The following LCLAT1 variants were observed in gnomAD, a reference collection of about 807,000 sequenced individuals.
LCLAT1 encodes the protein lysocardiolipin acyltransferase 1, also known as 1-AGP acyltransferase 8.
A neutral mutation model predicts 30.7 loss-of-function variants in LCLAT1; 11 were observed. The observed-to-expected ratio is 0.36, with a 90% CI of 0.23 to 0.59. The LOEUF (loss-of-function observed/expected upper bound fraction) is 0.59, where lower values mean the gene tolerates loss of function less well. Ranked by LOEUF, LCLAT1 falls within the 20% of genes least tolerant of loss-of-function variation. The probability of loss-of-function intolerance (pLI) is 0.77; values close to 1 mark genes in which losing one functional copy is unlikely to be tolerated. For missense variants in LCLAT1, 402 were observed against 458.6 expected, an observed-to-expected ratio of 0.88 and a Z score of 1.13; for synonymous variants, 155 against 151.3, an observed-to-expected ratio of 1.02 and a Z score of -0.18.
chr2:30,600,239 A>T lies in LCLAT1; in HGVS notation c.628+32063A>T, dbSNP rs1390887868. On this transcript the variant is annotated intron_variant, in intron 5 of 5. Transcript: ENST00000379509. ...ACTCAAAACCATACAACTACATGGA[A>T]ATTGAACAACTAACTTGCTCCTGAA... is the stretch of plus-strand genomic sequence containing the variant. Among the ~76,000 whole-genome samples the T allele has an allele frequency of 3.9e-5, 6 of 152,186 alleles. No individual in the cohort carries two copies. The South Asian group carries it at 1.2e-3, about 31-fold the overall frequency.
intron 1 of LCLAT1, among the ~76,000 whole-genome samples, chr2:30,471,069 C>T (rs1444808626): frequency 6.0e-5 from 9 of 150,730 alleles, no homozygotes; most frequent in African/African-American, 1.7e-4. Flanking sequence ...CCCACCACCA[C>T]GCCTGGCTAA....
intron 5 of LCLAT1, among the ~76,000 whole-genome samples, chr2:30,568,505 C>CTTTTTTT (rs35285466): frequency 9.4e-5 from 8 of 85,336 alleles, no homozygotes; most frequent in African/African-American, 9.6e-5. Flanking sequence ...GTCTTTCTTT[C>CTTTTTTT]TTTTTTTTTT....
intron 5 of LCLAT1, among the ~76,000 whole-genome samples, chr2:30,578,072 T>C (rs1049523730): frequency 8.5e-5 from 13 of 152,136 alleles, no homozygotes; most frequent in African/African-American, 2.9e-4. Flanking sequence ...TTTATGTAGA[T>C]AGTTGTTTGT....
chr2:30,496,860 G>A (rs753651979), intron 1 of LCLAT1, among the ~76,000 whole-genome samples: 3 of 152,100 alleles, frequency 2.0e-5, no homozygotes, highest in Non-Finnish European at 4.4e-5. Context: ...GCAGTGCCCA[G>A]CAAACCCACA....
At position 30,523,827 on chromosome 2, in the gene LCLAT1, C is replaced by A. The variant is rs1685588256; in HGVS notation, c.-4-1760C>A. 1.3e-5 allele frequency among the ~76,000 whole-genome samples: 2 copies of A among 152,202 alleles called. 1 individual carries two copies. The highest frequency in any genetic ancestry group is 2.9e-5 in the Non-Finnish European group (2 of 68,040). Reference sequence around the variant, plus strand: ...AGCTTGCAGTGAGCCCAGATCGCACCACTGTACTTCAGCCTAGCGACAGAG... The same window carrying A: ...AGCTTGCAGTGAGCCCAGATCGCACAACTGTACTTCAGCCTAGCGACAGAG... On this transcript the variant is annotated intron_variant, in intron 1 of 5. Transcript: ENST00000379509.
At chr2:30,491,785 T>C (rs957971559) in intron 1 of LCLAT1, among the ~76,000 whole-genome samples, 7 of 152,176 alleles carry the variant, frequency 4.6e-5, no homozygotes, top group African/African-American at 1.7e-4. Flanking sequence ...CCACAACTTT[T>C]GTAAGTTATA....
At chr2:30,517,779 A>G (rs1214764695) in intron 1 of LCLAT1, among the ~76,000 whole-genome samples, 3 of 152,148 alleles carry the variant, frequency 2.0e-5, no homozygotes, top group Non-Finnish European at 4.4e-5. Flanking sequence ...CAGAGAGAGA[A>G]AGAAAGAGAA....
At chr2:30,522,690 A>G (rs1685534701) in intron 1 of LCLAT1, among the ~76,000 whole-genome samples, 1 of 152,240 alleles carries the variant, frequency 6.6e-6, no homozygotes, top group Non-Finnish European at 1.5e-5. Flanking sequence ...GAATAGAAGT[A>G]GGATAGAAGT....
chr2:30,487,522 TAAAAC>T lies in LCLAT1; in HGVS notation c.-4-38061_-4-38057del, dbSNP rs557335835. Reference sequence around the variant, plus strand: ...GGGCCCTGGGGGGTACAGCAGTTAATAAAACAAACTAAAATCTGCCTTTCAGAGTT... The same window carrying T: ...GGGCCCTGGGGGGTACAGCAGTTAATAAACTAAAATCTGCCTTTCAGAGTT... On this transcript the variant is annotated intron_variant, in intron 1 of 5. Transcript: ENST00000379509. Among the ~76,000 whole-genome samples, 19 of 152,150 alleles carry T rather than the reference TAAAAC, an allele frequency of 1.2e-4. No individual in the cohort carries two copies. In the South Asian group the frequency reaches 2.7e-3, roughly 22 times the overall value.
chr2:30,640,735 A>G lies in LCLAT1; in HGVS notation c.*116A>G. On this transcript the variant is annotated 3_prime_UTR_variant, in exon 6 of 6. Coordinates refer to ENST00000379509, the MANE Select transcript of LCLAT1 (RefSeq NM_001002257.3). ...TCGAATATTTCTTACTGCCATCATT[A>G]TTTGTTAAAGATATTTTGCACTTAA... 1.6e-6 allele frequency: 2 copies of G among 1,256,262 alleles called. No homozygotes were observed. The highest frequency in any genetic ancestry group is 2.2e-6 in the Non-Finnish European group (2 of 919,800). 77.8% of individuals were successfully genotyped at this position (1,256,262 alleles called of 1,614,324 possible). A position where few individuals can be genotyped will look rare whatever the true frequency, so the allele number is the denominator to read the frequency against.
In LCLAT1 at chr2:30,520,167, A is replaced by G. The variant is rs556775053; in HGVS notation, c.-4-5420A>G. Among the ~76,000 whole-genome samples the G allele has an allele frequency of 3.6e-3, 547 of 152,300 alleles. 2 individuals carry two copies. The highest frequency in any genetic ancestry group is 6.7e-3 in the Non-Finnish European group (453 of 68,022). ...TCCATTCCTTGGAATCCGTGAGGCCAAGAACCCCCCAGGTCAGAGAGCAAA... is the reference window on the plus strand; with the variant it reads ...TCCATTCCTTGGAATCCGTGAGGCCGAGAACCCCCCAGGTCAGAGAGCAAA... On this transcript the variant is annotated intron_variant, in intron 1 of 5. Transcript: ENST00000379509.
At chr2:30,460,973 A>C (rs1682092241) in intron 1 of LCLAT1, among the ~76,000 whole-genome samples, 2 of 152,210 alleles carry the variant, frequency 1.3e-5, no homozygotes, top group African/African-American at 4.8e-5. Flanking sequence ...CCTCTTTCCT[A>C]GACCTTGCCC....
intron 1 of LCLAT1, among the ~76,000 whole-genome samples, chr2:30,503,488 A>G (rs1479291492): frequency 6.6e-6 from 1 of 152,188 alleles, no homozygotes; most frequent in Admixed American, 6.5e-5. Flanking sequence ...TCCCTTAAAT[A>G]ACAGCTAGGT....
chr2:30,530,853 A>AT (rs1282707763), intron 2 of LCLAT1, among the ~76,000 whole-genome samples: 2 of 151,988 alleles, frequency 1.3e-5, no homozygotes, highest in Non-Finnish European at 2.9e-5. Flanking sequence ...CCAGTCTTGG[A>AT]TTTTTTATGT....
intron 1 of LCLAT1, among the ~76,000 whole-genome samples, chr2:30,468,108 A>G (rs1318183028): frequency 6.6e-6 from 1 of 152,202 alleles, no homozygotes; most frequent in East Asian, 1.9e-4. Flanking sequence ...TCTTGAATTA[A>G]TTTTTGTATA....
intron 2 of LCLAT1, among the ~76,000 whole-genome samples, chr2:30,530,540 G>A (rs1685932024): frequency 6.6e-6 from 1 of 152,214 alleles, no homozygotes; most frequent in East Asian, 1.9e-4. Context: ...TGGACACATG[G>A]TCTTGATTGT....
chr2:30,521,196 G>A (rs1240224317), intron 1 of LCLAT1, among the ~76,000 whole-genome samples: 1 of 152,110 alleles, frequency 6.6e-6, no homozygotes, highest in African/African-American at 2.4e-5. Flanking sequence ...TACCCTATAA[G>A]GTCTAAAAAG....
chr2:30,636,112 G>C (rs1347059517), intron 5 of LCLAT1, among the ~76,000 whole-genome samples: 1 of 152,124 alleles, frequency 6.6e-6, no homozygotes, highest in African/African-American at 2.4e-5. Flanking sequence ...TAGAACCCTT[G>C]GCATTTGAAC....
In LCLAT1 at chr2:30,508,233, T is replaced by C. The variant is rs538308679; in HGVS notation, c.-4-17354T>C. 2.6e-5 allele frequency among the ~76,000 whole-genome samples: 4 copies of C among 152,272 alleles called. No individual in the cohort carries two copies. In the East Asian group the frequency reaches 7.7e-4, roughly 29 times the overall value. ...AAATTTTTTCCCTTTCCGTTAGTTG[T>C]CTGTTCACTCTGTTGATAATTTCTT... On this transcript the variant is annotated intron_variant, in intron 1 of 5. Transcript: ENST00000379509.
Sources: allele counts gnomAD v4.1 joint callset (sites outside exome capture counted in the v4.1 genomes callset), GRCh38; gene constraint gnomAD v4.1.1; transcripts MANE v1.5; gene names NCBI Gene and HGNC (gene_info 2026-07-23, HGNC 2026-07-21).